Variants in ASH1L observed in about 807,000 individuals in gnomAD.
ASH1L encodes the protein histone-lysine N-methyltransferase ASH1L.
Under a neutral mutation model 269.0 loss-of-function variants are expected in ASH1L, and 23 were observed. The ratio of observed to expected loss-of-function variants is 0.09; its 90% CI spans 0.06 to 0.12. The LOEUF is 0.12. ASH1L is among the 10% of genes least tolerant of loss of function. The probability of loss-of-function intolerance (pLI) is 1.00; values close to 1 mark genes in which losing one functional copy is unlikely to be tolerated. For missense variants in ASH1L, 2,912 were observed against 3,567.8 expected (o/e 0.82, Z 4.68); for synonymous variants, 1,187 against 1,253.5 (o/e 0.95, Z 1.12).
chr1:155,501,795 T>G (rs1168627691), intron 2 of ASH1L, among the ~76,000 whole-genome samples: 3 of 152,056 alleles, frequency 2.0e-5, no homozygotes, highest in Non-Finnish European at 4.4e-5. Flanking sequence ...CCCAAGTAGC[T>G]GAGACTACAG....
At chr1:155,510,924 T>C (rs1485996786) in intron 2 of ASH1L, among the ~76,000 whole-genome samples, 1 of 152,050 alleles carries the variant, frequency 6.6e-6, no homozygotes, top group Non-Finnish European at 1.5e-5. Context: ...TATAGCAAAA[T>C]ATTACCCAGA....
At chr1:155,417,416 A>G (rs1302629942) in intron 5 of ASH1L, among the ~76,000 whole-genome samples, 4 of 152,164 alleles carry the variant, frequency 2.6e-5, no homozygotes, top group Non-Finnish European at 1.5e-5. Context: ...AAATCTAACT[A>G]TGGGTGTCTC....
intron 3 of ASH1L, among the ~76,000 whole-genome samples, chr1:155,466,686 G>C (rs1664726036): frequency 6.6e-6 from 1 of 152,214 alleles, no homozygotes; most frequent in Admixed American, 6.5e-5. Context: ...ACCTTGCGTA[G>C]TTATGATTTC....
In ASH1L at chr1:155,553,081, C is replaced by T. The variant is rs190887808; in HGVS notation, c.-100+9072G>A. Among the ~76,000 whole-genome samples the T allele has an allele frequency of 1.3e-4, 20 of 152,284 alleles. No homozygotes were observed. The East Asian group carries it at 3.7e-3, about 28-fold the overall frequency. ...TTACAGTCAATAAGTTAGCAAAACT[C>T]AGATCTGAGCCTAATCAATCTGATT... On this transcript the variant is annotated intron_variant, in intron 1 of 27. Transcript: ENST00000392403.
At chr1:155,525,294 C>T (rs1242729391) in intron 1 of ASH1L, among the ~76,000 whole-genome samples, 2 of 151,812 alleles carry the variant, frequency 1.3e-5, no homozygotes, top group African/African-American at 4.8e-5. Context: ...ATAAAAAGTA[C>T]AAAGTCCTAT....
At chr1:155,536,016 G>C (rs944835941) in intron 1 of ASH1L, among the ~76,000 whole-genome samples, 1 of 150,044 alleles carries the variant, frequency 6.7e-6, no homozygotes, top group African/African-American at 2.4e-5. Flanking sequence ...AAAAAAAAAA[G>C]AAAAAAATTT....
intron 3 of ASH1L, among the ~76,000 whole-genome samples, chr1:155,465,552 C>T (rs966454798): frequency 5.3e-5 from 8 of 152,062 alleles, no homozygotes; most frequent in Non-Finnish European, 1.2e-4. Context: ...TGGAAGAATG[C>T]TATGCAGTAG....
In ASH1L at chr1:155,338,151, T is replaced by C. The variant is rs1338688944; in HGVS notation, c.8741A>G (p.Asn2914Ser). Reference sequence around the variant, plus strand: ...GATCTGGTTGAGTCGTTCCCGTTGGTTATGCCGTCGTTCCTCAGGGGTACA... The same window carrying C: ...GATCTGGTTGAGTCGTTCCCGTTGGCTATGCCGTCGTTCCTCAGGGGTACA... ...STCTPEERRHNQRERLNQILL... is the reference protein window; with the variant it reads ...STCTPEERRHSQRERLNQILL... Residue 2914 changes from asparagine to serine, a missense_variant, in exon 27 of 28, where the codon AAC becomes AGC. Transcript: ENST00000392403. 1 of 1,614,174 alleles carries C rather than the reference T, an allele frequency of 6.2e-7. No homozygotes were observed. The highest frequency in any genetic ancestry group is 1.1e-5 in the South Asian group (1 of 91,078).
intron 5 of ASH1L, among the ~76,000 whole-genome samples, chr1:155,420,183 G>T (rs1184574196): frequency 2.6e-5 from 4 of 151,438 alleles, no homozygotes; most frequent in African/African-American, 7.3e-5. Context: ...AAATTAGCTG[G>T]GTGTGGTGGC....
intron 2 of ASH1L, among the ~76,000 whole-genome samples, chr1:155,502,717 G>T (rs1301967936): frequency 2.0e-5 from 3 of 152,156 alleles, no homozygotes; most frequent in African/African-American, 7.2e-5. Context: ...AGAATTGGGG[G>T]ATGTCTAAGC....
rs570240721 is a variant in ASH1L at position 155,542,415 on chromosome 1, G to C, written c.-100+19738C>G. Among the ~76,000 whole-genome samples the C allele has an allele frequency of 5.3e-5, 8 of 152,004 alleles. No homozygotes were observed. In the South Asian group the frequency reaches 1.7e-3, roughly 32 times the overall value. Reference sequence around the variant, plus strand: ...ATACAAAAAATTAGCCAGGCGTGGTGGTGGGCGCCTGTAGTCCCAGCTACT... The same window carrying C: ...ATACAAAAAATTAGCCAGGCGTGGTCGTGGGCGCCTGTAGTCCCAGCTACT... On this transcript the variant is annotated intron_variant, in intron 1 of 27. Coordinates refer to ENST00000392403, the MANE Select transcript of ASH1L (RefSeq NM_018489.3).
At chr1:155,443,222 T>C (rs1404681112) in intron 4 of ASH1L, among the ~76,000 whole-genome samples, 1 of 152,204 alleles carries the variant, frequency 6.6e-6, no homozygotes, top group East Asian at 1.9e-4. Flanking sequence ...ATGCATTTAA[T>C]CCATGAATAT....
intron 4 of ASH1L, among the ~76,000 whole-genome samples, chr1:155,446,611 C>CTT (rs1186369283): frequency 8.3e-5 from 11 of 132,964 alleles, no homozygotes; most frequent in African/African-American, 2.2e-4. Context: ...ATTTCAGTTT[C>CTT]TTTTTTTTTT....
chr1:155,388,367 T>C (rs931816631), intron 7 of ASH1L, among the ~76,000 whole-genome samples: 5 of 152,034 alleles, frequency 3.3e-5, no homozygotes, highest in African/African-American at 1.2e-4. Context: ...TCTCAGCTCA[T>C]TGCAGCCTCA....
chr1:155,371,513 G>A (rs557610575), intron 10 of ASH1L, among the ~76,000 whole-genome samples: 8 of 152,106 alleles, frequency 5.3e-5, no homozygotes, highest in South Asian at 4.2e-4. Flanking sequence ...GCACCACTGC[G>A]CTCCAGCCTG....
intron 1 of ASH1L, among the ~76,000 whole-genome samples, chr1:155,533,627 T>A (rs1490661142): frequency 2.0e-5 from 3 of 149,904 alleles, no homozygotes; most frequent in East Asian, 2.0e-4. Flanking sequence ...GGCAGAAGAA[T>A]CACTTGAACC....
intron 12 of ASH1L, 90 bp downstream of exon 12, chr1:155,370,414 A>G: frequency 6.5e-7 from 1 of 1,543,382 alleles, no homozygotes. Flanking sequence ...TGCTTTGTGT[A>G]AGCTGACTGA....
At chr1:155,450,975 A>ATCCCAGCAC in intron 4 of ASH1L, among the ~76,000 whole-genome samples, 1 of 152,290 alleles carries the variant, frequency 6.6e-6, no homozygotes, top group Admixed American at 6.5e-5. Flanking sequence ...AGGCGGTCGA[A>ATCCCAGCAC]TCACCTGAGG....
At chr1:155,543,740 T>C (rs1014871324) in intron 1 of ASH1L, among the ~76,000 whole-genome samples, 4 of 151,786 alleles carry the variant, frequency 2.6e-5, no homozygotes, top group Non-Finnish European at 5.9e-5. Context: ...AAGACAAGCC[T>C]GGGCAACATA....
Sources: allele counts gnomAD v4.1 joint callset (sites outside exome capture counted in the v4.1 genomes callset), GRCh38; gene constraint gnomAD v4.1.1; transcripts MANE v1.5; gene names NCBI Gene and HGNC (gene_info 2026-07-23, HGNC 2026-07-21).